Variants in CDH26 observed in about 807,000 individuals in gnomAD.
The protein encoded by CDH26 is cadherin-like protein 26.
In CDH26, 83 loss-of-function variants were observed where a neutral mutation model predicts 90.3. That is an observed-to-expected ratio of 0.92 (90% CI 0.77 to 1.10). CDH26 has a LOEUF of 1.10. Among genes scored for constraint, CDH26 ranks in the 50% least tolerant of loss-of-function variants. The pLI is 0.00. For missense variants in CDH26, 1,013 were observed against 1,037.6 expected, an observed-to-expected ratio of 0.98 and a Z score of 0.33; for synonymous variants, 397 against 396.3, an observed-to-expected ratio of 1.00 and a Z score of -0.02.
intron 9 of CDH26, among the ~76,000 whole-genome samples, chr20:59,991,786 TG>T (rs1489163695): frequency 7.2e-5 from 11 of 152,160 alleles, no homozygotes; most frequent in African/African-American, 2.7e-4. Context: ...AACAGGTAGC[TG>T]GGGTGGCAAC....
rs1426195350 is a variant in CDH26, at chr20:59,989,060, C to A, written c.1180C>A (p.Pro394Thr). Residue 394 changes from proline (P) to threonine (T), a missense_variant, in exon 9 of 18, where the codon CCA becomes ACA. Physicochemically the swap from Pro to Thr is conservative, Grantham distance 38. Coordinates refer to ENST00000348616, the MANE Select transcript of CDH26 (RefSeq NM_177980.4). ...GCAGGTGACAGACGCCAACGACCCA[C>A]CAGCCTTTCACCCCCAGAGCTTCAT... ...SVQVTDANDP[P>T]AFHPQSFIVN... 6.2e-7 allele frequency: 1 copy of A among 1,614,194 alleles called. No homozygotes were observed. The highest frequency in any genetic ancestry group is 1.3e-5 in the African/African-American group (1 of 75,026).
chr20:60,002,930 C>A, intron 16 of CDH26, 64 bp downstream of exon 16: 3 of 1,252,796 alleles, frequency 2.4e-6, no homozygotes, highest in Non-Finnish European at 3.3e-6. Flanking sequence ...AAAAGCTGTG[C>A]AAATCCCTGA....
intron 4 of CDH26, among the ~76,000 whole-genome samples, chr20:59,976,309 T>G (rs1953429310): frequency 6.6e-6 from 1 of 152,222 alleles, no homozygotes; most frequent in African/African-American, 2.4e-5. Context: ...ACTTTCCAAG[T>G]GCAGAAAATG....
At chr20:59,972,864 C>T (rs1401327557) in intron 4 of CDH26, among the ~76,000 whole-genome samples, 2 of 152,132 alleles carry the variant, frequency 1.3e-5, no homozygotes, top group East Asian at 3.9e-4. Flanking sequence ...AGCTTTTCTC[C>T]AGTGATCTCA....
chr20:60,035,530 T>TGGC (rs1243745454), downstream of CDH26, among the ~76,000 whole-genome samples: 6 of 152,226 alleles, frequency 3.9e-5, no homozygotes, highest in Non-Finnish European at 7.3e-5. Flanking sequence ...GAGCCACTTA[T>TGGC]TTTCCTGTGA....
chr20:59,975,954 G>A (rs551050920), intron 4 of CDH26, among the ~76,000 whole-genome samples: 3 of 152,232 alleles, frequency 2.0e-5, no homozygotes, highest in Admixed American at 6.5e-5. Flanking sequence ...TTGAGACAGA[G>A]GACAGCAACA....
chr20:59,975,587 A>G (rs2061319119), intron 4 of CDH26, among the ~76,000 whole-genome samples: 1 of 152,214 alleles, frequency 6.6e-6, no homozygotes. Context: ...AAATGGTCCA[A>G]TGAGAAGGAT....
chr20:59,960,773 G>A (rs2145964598), intron 1 of CDH26, among the ~76,000 whole-genome samples: 1 of 152,204 alleles, frequency 6.6e-6, no homozygotes, highest in African/African-American at 2.4e-5. Context: ...ATATGTCCTT[G>A]CCCAGACAAA....
Position 59,979,601 on chromosome 20 carries a change from CTTTTTTTTTTTTTTTTTTTT to C in CDH26, c.394-3298_394-3279del, listed in dbSNP as rs559969476. Among the ~76,000 whole-genome samples, 26 of 47,496 alleles carry C rather than the reference CTTTTTTTTTTTTTTTTTTTT, an allele frequency of 5.5e-4. 1 individual carries two copies. Among genetic ancestry groups the C allele is most frequent in the East Asian group, 4.6e-3 (7 of 1,520 alleles). The allele number at this position is 47,496 out of a possible 152,430, so 31.2% of individuals were successfully genotyped here. A position where few individuals can be genotyped will look rare whatever the true frequency, so the allele number is the denominator to read the frequency against. ...TGTGGTGAGATAAAGCTGCTATGCA[CTTTTTTTTTTTTTTTTTTTT>C]TTTTTTTTTTTTTTTTTTTTTTTAG... On this transcript the variant is annotated intron_variant, in intron 4 of 17. Coordinates refer to ENST00000348616, the MANE Select transcript of CDH26 (RefSeq NM_177980.4).
Position 60,021,869 on chromosome 20 carries a change from C to CACACACACACACACACAT in CDH26, c.948-9345_948-9344insTACACACACACACACACA, listed in dbSNP as rs1555903643. Among the ~76,000 whole-genome samples the CACACACACACACACACAT allele has an allele frequency of 5.6e-4, 58 of 102,946 alleles. 1 individual carries two copies. The highest frequency in any genetic ancestry group is 3.7e-3 in the South Asian group (11 of 2,978). The allele number at this position is 102,946 out of a possible 152,430, so 67.5% of individuals were successfully genotyped here. A position where few individuals can be genotyped will look rare whatever the true frequency, so the allele number is the denominator to read the frequency against. On this transcript the variant is annotated intron_variant, in intron 7 of 8. Transcript: ENST00000370991. ...ATCTGTACACACACACACACACACA[C>CACACACACACACACACAT]ACACACACACACACACACACACACA... is the stretch of plus-strand genomic sequence containing the variant.
chr20:59,958,769 C>G lies in CDH26; in HGVS notation c.43C>G (p.Leu15Val), dbSNP rs757986527. 39 of 1,613,932 alleles carry G rather than the reference C, an allele frequency of 2.4e-5. No individual in the cohort carries two copies. The highest frequency in any genetic ancestry group is 3.3e-5 in the Non-Finnish European group (39 of 1,179,960). Reference sequence around the variant, plus strand: ...GAGGCACCCCTCGCTGCTGCTGCTTCTAGTGCTGCTGCTGTGGCTGCTGCA... The same window carrying G: ...GAGGCACCCCTCGCTGCTGCTGCTTGTAGTGCTGCTGCTGTGGCTGCTGCA... ...SGRHPSLLLL[L>V]VLLLWLLQVS... Residue 15 changes from leucine to valine, a missense_variant, in exon 1 of 18, where the codon CTA (leucine) becomes GTA (valine). Transcript: ENST00000348616.
intron 1 of CDH26, among the ~76,000 whole-genome samples, chr20:59,961,833 A>C (rs1167222402): frequency 6.6e-6 from 1 of 152,152 alleles, no homozygotes; most frequent in Admixed American, 6.5e-5. Flanking sequence ...CTGAGCTCAT[A>C]TGTCCTCACC....
chr20:60,033,773 A>ATTGTGTGTGTGTG (rs138596444), exon 9 of CDH26: 3 of 899,422 alleles, frequency 3.3e-6, no homozygotes, highest in Non-Finnish European at 4.3e-6. Context: ...GGTAGACAAG[A>ATTGTGTGTGTGTG]TGTGTGTGTG....
intron 6 of CDH26, 42 bp from the exon 7 acceptor site, chr20:59,984,959 C>T (rs2061435310): frequency 1.3e-6 from 2 of 1,598,680 alleles, no homozygotes; most frequent in Non-Finnish European, 1.7e-6. Flanking sequence ...ATTTTCCTTT[C>T]CTGTATTTGA....
chr20:60,035,484 T>C (rs539712173), downstream of CDH26, among the ~76,000 whole-genome samples: 1 of 152,370 alleles, frequency 6.6e-6, no homozygotes, highest in East Asian at 1.9e-4. Flanking sequence ...TAACTTTCAT[T>C]ATAAATGAAG....
chr20:60,029,512 G>GGATACTTT (rs2062024606), intron 7 of CDH26, among the ~76,000 whole-genome samples: 1 of 152,180 alleles, frequency 6.6e-6, no homozygotes, highest in Non-Finnish European at 1.5e-5. Context: ...TACATGTGCA[G>GGATACTTT]AAGGTGCAGG....
At chr20:59,979,515 C>G (rs554872119) in intron 4 of CDH26, among the ~76,000 whole-genome samples, 112 of 145,680 alleles carry the variant, frequency 7.7e-4, no homozygotes, top group Non-Finnish European at 1.0e-3. Context: ...TCTGTTTTAT[C>G]GCTGAGTAGT....
chr20:60,028,473 A>C (rs2062015668), intron 7 of CDH26, among the ~76,000 whole-genome samples: 1 of 152,230 alleles, frequency 6.6e-6, no homozygotes, highest in African/African-American at 2.4e-5. Flanking sequence ...GAGGCAATCC[A>C]AATAAAAAAG....
At chr20:59,982,701 G>A (rs2061408578) in intron 4 of CDH26, among the ~76,000 whole-genome samples, 3 of 152,168 alleles carry the variant, frequency 2.0e-5, no homozygotes, top group Admixed American at 1.3e-4. Flanking sequence ...CCAAGCCAGA[G>A]CATTGGCTTG....
Sources: gnomAD v4.1 joint callset for allele counts (sites outside exome capture counted in the v4.1 genomes callset) on GRCh38, gnomAD v4.1.1 for gene constraint, MANE v1.5 for transcripts, NCBI Gene and HGNC (gene_info 2026-07-23, HGNC 2026-07-21) for gene names.